SATB2: variants seen among roughly 807,000 people sequenced by gnomAD.
The protein encoded by SATB2 is SATB homeobox 2, also known as DNA-binding protein SATB2.
A neutral mutation model predicts 73.4 loss-of-function variants in SATB2; 1 was observed. The observed-to-expected ratio is 0.01, with a 90% CI of 0.00 to 0.06. The LOEUF (loss-of-function observed/expected upper bound fraction) is 0.06, where lower values mean the gene tolerates loss of function less well. Among genes scored for constraint, SATB2 ranks in the 10% least tolerant of loss-of-function variants. SATB2 has a pLI of 1.00. For missense variants in SATB2, 459 were observed against 945.8 expected, an observed-to-expected ratio of 0.49 and a Z score of 6.75; for synonymous variants, 397 against 367.0, an observed-to-expected ratio of 1.08 and a Z score of -0.93.
chr2:199,380,514 T>C (rs1463363780), intron 4 of SATB2, 27 bp from the exon 5 acceptor site: 7 of 1,609,188 alleles, frequency 4.4e-6, no homozygotes, highest in Non-Finnish European at 5.9e-6. Flanking sequence ...TAATGAACAA[T>C]ACACAAACCT....
intron 3 of SATB2, among the ~76,000 whole-genome samples, chr2:199,431,929 G>A (rs1691515871): frequency 6.6e-6 from 1 of 152,202 alleles, no homozygotes; most frequent in South Asian, 2.1e-4. Context: ...GTGGGGGGAA[G>A]GGAAGGGAGA....
At chr2:199,388,737 C>T (rs1172788467) in intron 3 of SATB2, among the ~76,000 whole-genome samples, 4 of 151,832 alleles carry the variant, frequency 2.6e-5, no homozygotes, top group Non-Finnish European at 5.9e-5. Flanking sequence ...TCATAACTCC[C>T]TGGAAAAGAT....
chr2:199,364,009 G>A (rs1434530445), intron 6 of SATB2, among the ~76,000 whole-genome samples: 1 of 152,144 alleles, frequency 6.6e-6, no homozygotes, highest in Non-Finnish European at 1.5e-5. Context: ...CAACAGCAGA[G>A]GCAGAAGGAC....
intron 10 of SATB2, among the ~76,000 whole-genome samples, chr2:199,287,059 C>T (rs763971764): frequency 4.1e-4 from 62 of 152,116 alleles, no homozygotes; most frequent in Non-Finnish European, 3.1e-4. Context: ...TGGCAAAAGG[C>T]TAAGAAAGAA....
chr2:199,427,835 C>G (rs983659998), intron 3 of SATB2, among the ~76,000 whole-genome samples: 10 of 151,932 alleles, frequency 6.6e-5, no homozygotes, highest in African/African-American at 2.4e-4. Context: ...TAAAATTGTC[C>G]TTGAAAGTAG....
chr2:199,397,666 T>C (rs1690340967), intron 3 of SATB2: 6 of 262,538 alleles, frequency 2.3e-5, no homozygotes, highest in South Asian at 1.8e-4. Context: ...AGGTGGGCAT[T>C]TCACTTGAGG....
chr2:199,282,100 C>T (rs1692522129), intron 10 of SATB2, among the ~76,000 whole-genome samples: 1 of 152,090 alleles, frequency 6.6e-6, no homozygotes, highest in Non-Finnish European at 1.5e-5. Context: ...CCAGGATGGT[C>T]TCGATCTCCT....
chr2:199,364,566 A>G (rs956710339), intron 6 of SATB2, among the ~76,000 whole-genome samples: 4 of 152,184 alleles, frequency 2.6e-5, no homozygotes, highest in Middle Eastern at 3.2e-3. Context: ...CTGAGAAAAG[A>G]AAAGTGATGG....
chr2:199,350,019 C>T (rs10460398), intron 6 of SATB2, among the ~76,000 whole-genome samples: 21,317 of 152,046 alleles, frequency 0.14, 1,854 homozygotes, highest in East Asian at 0.47. Context: ...CTGTATTACT[C>T]TATCATGAAA....
intron 10 of SATB2, among the ~76,000 whole-genome samples, chr2:199,280,907 C>G (rs1384771991): frequency 4.6e-5 from 7 of 152,184 alleles, no homozygotes; most frequent in Non-Finnish European, 7.3e-5. Context: ...ACACCCTATT[C>G]GTACATTCCC....
chr2:199,421,260 T>C (rs7558780), intron 3 of SATB2, among the ~76,000 whole-genome samples: 62 of 152,178 alleles, frequency 4.1e-4, no homozygotes, highest in African/African-American at 1.4e-3. Flanking sequence ...AATTATACAA[T>C]ACAGAAGGGA....
At chr2:199,430,590 A>C (rs80302197) in intron 3 of SATB2, among the ~76,000 whole-genome samples, 4,461 of 152,308 alleles carry the variant, frequency 0.029, 240 homozygotes, top group African/African-American at 0.1. Flanking sequence ...ACTAATATCT[A>C]GCCTTCAAAT....
At position 199,464,210 on chromosome 2, in the gene SATB2, C is replaced by T. The variant is rs1007005437; in HGVS notation, c.-141+626G>A. Among the ~76,000 whole-genome samples the T allele has an allele frequency of 2.6e-5, 4 of 152,152 alleles. No homozygotes were observed. The highest frequency in any genetic ancestry group is 9.6e-5 in the African/African-American group (4 of 41,454). ...GGAAAGGCCCAAGTGACTGTGACGGCGGCGACTCGGGCTCAGTTCTCCCCC... is the reference window on the plus strand; with the variant it reads ...GGAAAGGCCCAAGTGACTGTGACGGTGGCGACTCGGGCTCAGTTCTCCCCC... On this transcript the variant is annotated intron_variant, in intron 1 of 11. Coordinates refer to the SATB2 transcript ENST00000260926. The surrounding 1 kb of genome is among the most constrained non-coding windows in gnomAD (Gnocchi z 6.6).
intron 5 of SATB2, among the ~76,000 whole-genome samples, chr2:199,369,439 A>G (rs140739233): frequency 6.6e-6 from 1 of 152,310 alleles, no homozygotes; most frequent in Non-Finnish European, 1.5e-5. Flanking sequence ...AAAAGTTAAA[A>G]TTATAATTAC....
At chr2:199,397,960 C>T (rs1690352713) in intron 3 of SATB2, 1 of 215,588 alleles carries the variant, frequency 4.6e-6, no homozygotes, top group Admixed American at 6.0e-5. Flanking sequence ...TGAAATGGTT[C>T]CACCTTAAAG....
chr2:199,436,814 A>G (rs1336229706), intron 2 of SATB2, among the ~76,000 whole-genome samples: 1 of 151,924 alleles, frequency 6.6e-6, no homozygotes, highest in Admixed American at 6.6e-5. Context: ...AGCAAACTAT[A>G]AAAGGATGAG....
At position 199,463,240 on chromosome 2, in the gene SATB2, A is replaced by T. The variant is rs1187244854; in HGVS notation, c.-141+1596T>A. Among the ~76,000 whole-genome samples the T allele has an allele frequency of 6.6e-6, 1 of 152,076 alleles. No individual in the cohort carries two copies. The highest frequency in any genetic ancestry group is 1.5e-5 in the Non-Finnish European group (1 of 68,000). On this transcript the variant is annotated intron_variant, in intron 1 of 11. Coordinates refer to the SATB2 transcript ENST00000260926. This position sits in a 1 kb window ranked among gnomAD's most constrained non-coding sequence, Gnocchi z 6.4. ...CCCTTCTGCAACCACGCTGCGAGAG[A>T]ATGACTGCCCTGCTAATCTAGTTTA...
At chr2:199,345,218 C>G (rs1416994118) in intron 7 of SATB2, among the ~76,000 whole-genome samples, 1 of 152,092 alleles carries the variant, frequency 6.6e-6, no homozygotes, top group East Asian at 1.9e-4. Flanking sequence ...GACAACATCT[C>G]TAATCTCTTG....
intron 5 of SATB2, among the ~76,000 whole-genome samples, chr2:199,377,917 G>A (rs1689651953): frequency 6.6e-6 from 1 of 152,174 alleles, no homozygotes; most frequent in Non-Finnish European, 1.5e-5. Flanking sequence ...AACTACGTGA[G>A]CAAACCATGA....
Sources: gnomAD v4.1 joint callset for allele counts (sites outside exome capture counted in the v4.1 genomes callset) on GRCh38, gnomAD v4.1.1 for gene constraint, Gnocchi (gnomAD v3.1) non-coding constraint, MANE v1.5 for transcripts, NCBI Gene and HGNC (gene_info 2026-07-23, HGNC 2026-07-21) for gene names.